Variants in ADK observed in about 807,000 individuals in gnomAD.
ADK encodes N6,N6-dimethyladenosine kinase.
A neutral mutation model predicts 44.7 loss-of-function variants in ADK; 24 were observed. The ratio of observed to expected loss-of-function variants is 0.54; its 90% CI spans 0.39 to 0.76. The LOEUF (loss-of-function observed/expected upper bound fraction) is 0.76, where lower values mean the gene tolerates loss of function less well. ADK is among the 30% of genes least tolerant of loss of function. The pLI, the probability that ADK is intolerant of heterozygous loss-of-function variation, is 0.00. For synonymous variants in ADK, 128 were observed against 142.6 expected (o/e 0.90, Z 0.73); for missense variants, 321 against 425.1 (o/e 0.76, Z 2.15).
At chr10:74,206,071 TA>T (rs1843585851) in intron 2 of ADK, among the ~76,000 whole-genome samples, 1 of 152,206 alleles carries the variant, frequency 6.6e-6, no homozygotes. Flanking sequence ...TAGTGTGAGA[TA>T]TTTTGTTCAG....
chr10:74,238,059 A>T (rs1325113773), intron 3 of ADK, among the ~76,000 whole-genome samples: 2 of 152,030 alleles, frequency 1.3e-5, no homozygotes, highest in Non-Finnish European at 2.9e-5. Context: ...GCACCATTGC[A>T]CTCCAGCCTG....
intron 7 of ADK, among the ~76,000 whole-genome samples, chr10:74,547,227 A>C (rs1316776554): frequency 6.6e-6 from 1 of 151,910 alleles, no homozygotes; most frequent in East Asian, 1.9e-4. Context: ...TAGCTGTCCC[A>C]AGAATGTTCT....
At chr10:74,652,016 G>A (rs1488656849) in intron 9 of ADK, among the ~76,000 whole-genome samples, 1 of 151,300 alleles carries the variant, frequency 6.6e-6, no homozygotes, top group Non-Finnish European at 1.5e-5. Context: ...AAGGAATTTG[G>A]CTATGAAGGG....
intron 2 of ADK, among the ~76,000 whole-genome samples, chr10:74,216,754 A>G (rs11416069): frequency 0.74 from 110,394 of 150,064 alleles, 41,340 homozygotes; most frequent in Middle Eastern, 0.85. Context: ...AAAAAGTTTC[A>G]CAGACAAAAT....
chr10:74,367,809 A>G (rs1842541582), intron 4 of ADK, among the ~76,000 whole-genome samples: 1 of 152,198 alleles, frequency 6.6e-6, no homozygotes, highest in Non-Finnish European at 1.5e-5. Flanking sequence ...TCCCAAGCAT[A>G]GTGCAGATAT....
chr10:74,242,950 C>T (rs1441623723), intron 3 of ADK, among the ~76,000 whole-genome samples: 1 of 152,222 alleles, frequency 6.6e-6, no homozygotes, highest in East Asian at 1.9e-4. Context: ...CAGTAAAATT[C>T]TCCACCTTCA....
intron 4 of ADK, among the ~76,000 whole-genome samples, chr10:74,359,231 T>G (rs1842243053): frequency 6.6e-6 from 1 of 152,226 alleles, no homozygotes; most frequent in African/African-American, 2.4e-5. Flanking sequence ...CTTGGTAATA[T>G]AATTTGAATT....
chr10:74,493,351 ATGTG>A (rs147575422), intron 6 of ADK, among the ~76,000 whole-genome samples: 4 of 150,092 alleles, frequency 2.7e-5, no homozygotes, highest in East Asian at 3.9e-4. Context: ...CCCAGCATGT[ATGTG>A]TGTGTGTGTG....
chr10:74,386,787 T>C (rs1168349428), intron 4 of ADK, among the ~76,000 whole-genome samples: 1 of 152,194 alleles, frequency 6.6e-6, no homozygotes, highest in Admixed American at 6.5e-5. Flanking sequence ...ATTGTTTTTG[T>C]TAATATTATA....
At chr10:74,302,105 G>GTTTTTT (rs1840065150) in intron 3 of ADK, among the ~76,000 whole-genome samples, 3 of 88,922 alleles carry the variant, frequency 3.4e-5, no homozygotes, top group African/African-American at 1.6e-4. Flanking sequence ...TTTTTTGTTT[G>GTTTTTT]TTTGTTTTTT....
chr10:74,341,597 G>T (rs895504605), intron 4 of ADK, among the ~76,000 whole-genome samples: 39 of 149,584 alleles, frequency 2.6e-4, no homozygotes, highest in African/African-American at 8.8e-4. Flanking sequence ...TATTGTCTTT[G>T]GCTGTCCTTC....
At chr10:74,679,149 A>G (rs1855509413) in intron 10 of ADK, among the ~76,000 whole-genome samples, 1 of 152,174 alleles carries the variant, frequency 6.6e-6, no homozygotes. Flanking sequence ...AGCCCTAGCC[A>G]TTTTGCTATA....
intron 4 of ADK, among the ~76,000 whole-genome samples, chr10:74,387,364 A>G (rs1843181007): frequency 6.6e-6 from 1 of 152,230 alleles, no homozygotes; most frequent in Non-Finnish European, 1.5e-5. Context: ...GATGGTTACC[A>G]GTCTGATTCC....
intron 6 of ADK, among the ~76,000 whole-genome samples, chr10:74,474,183 C>T (rs954151435): frequency 2.0e-5 from 3 of 152,074 alleles, no homozygotes; most frequent in East Asian, 1.9e-4. Context: ...GTGGTGTGAT[C>T]GTGACTCACT....
chr10:74,425,149 A>G (rs1844746619), intron 6 of ADK, among the ~76,000 whole-genome samples: 2 of 152,208 alleles, frequency 1.3e-5, no homozygotes, highest in Admixed American at 1.3e-4. Flanking sequence ...GCCTGGGGAT[A>G]CTGTCAACCT....
intron 7 of ADK, among the ~76,000 whole-genome samples, chr10:74,555,343 TTTG>T (rs1357022619): frequency 1.3e-5 from 2 of 152,180 alleles, no homozygotes; most frequent in Non-Finnish European, 1.5e-5. Flanking sequence ...TGATTAACTG[TTTG>T]TTGTTTTTTT....
intron 6 of ADK, among the ~76,000 whole-genome samples, chr10:74,440,150 AT>A (rs566408568): frequency 3.9e-5 from 6 of 152,180 alleles, no homozygotes; most frequent in African/African-American, 1.4e-4. Context: ...TGTTTAAATA[AT>A]TTTTTATTTG....
At chr10:74,505,426 A>G (rs1322223713) in intron 6 of ADK, among the ~76,000 whole-genome samples, 2 of 151,952 alleles carry the variant, frequency 1.3e-5, no homozygotes, top group Non-Finnish European at 2.9e-5. Context: ...ATCTCCATCA[A>G]GTCATCTTCT....
At chr10:74,591,481 C>T (rs181167377) in intron 8 of ADK, among the ~76,000 whole-genome samples, 5 of 152,142 alleles carry the variant, frequency 3.3e-5, no homozygotes, top group South Asian at 4.2e-4. Flanking sequence ...AGGGTACCCT[C>T]AAATAGATAT....
Sources: allele counts gnomAD v4.1 joint callset (sites outside exome capture counted in the v4.1 genomes callset), GRCh38; gene constraint gnomAD v4.1.1; transcripts MANE v1.5; gene names NCBI Gene and HGNC (gene_info 2026-07-23, HGNC 2026-07-21).